The following COL27A1 variants were observed in gnomAD, a reference collection of about 807,000 sequenced individuals.
COL27A1 encodes collagen type XXVII alpha 1 chain.
Under a neutral mutation model 251.3 loss-of-function variants are expected in COL27A1, and 106 were observed. The ratio of observed to expected loss-of-function variants is 0.42; its 90% CI spans 0.36 to 0.50. COL27A1 has a LOEUF of 0.50. Ranked by LOEUF, COL27A1 falls within the 20% of genes least tolerant of loss-of-function variation. The pLI is 0.00. For missense variants in COL27A1, 2,325 were observed against 2,522.8 expected, an observed-to-expected ratio of 0.92 and a Z score of 1.68; for synonymous variants, 1,000 against 986.3, an observed-to-expected ratio of 1.01 and a Z score of -0.26.
intron 7 of COL27A1, among the ~76,000 whole-genome samples, 198 bp from the exon 8 acceptor site, chr9:114,204,904 G>A (rs77309503): frequency 0.031 from 4,698 of 152,284 alleles, 82 homozygotes; most frequent in Middle Eastern, 0.037. Flanking sequence ...ACCACTGGGA[G>A]CAGAGAGAAA....
Position 114,168,222 on chromosome 9 carries a change from C to A in COL27A1, c.667C>A (p.Gln223Lys). 6.2e-7 allele frequency: 1 copy of A among 1,614,028 alleles called. No individual in the cohort carries two copies. Among genetic ancestry groups the A allele is most frequent in the Non-Finnish European group, 8.5e-7 (1 of 1,180,024 alleles). The change falls in exon 3 of 61, where the codon CAG (glutamine) becomes AAG (lysine). Residue 223 changes from glutamine (Q) to lysine (K), a missense_variant. Transcript: ENST00000356083. ...LCQFSIYPVTQVAHNYCTHLR... is the reference protein window; with the variant it reads ...LCQFSIYPVTKVAHNYCTHLR... ...CCAGTTCAGTATCTACCCTGTGACG[C>A]AGGTCGCTCACAATTACTGTACCCA...
chr9:114,237,953 C>A (rs1177427217), intron 19 of COL27A1, among the ~76,000 whole-genome samples: 1 of 152,228 alleles, frequency 6.6e-6, no homozygotes, highest in Non-Finnish European at 1.5e-5. Context: ...GAGTCCTCTG[C>A]CAACTTTGTG....
At chr9:114,216,021 A>G (rs1830688014) in intron 12 of COL27A1, among the ~76,000 whole-genome samples, 1 of 152,200 alleles carries the variant, frequency 6.6e-6, no homozygotes, top group Non-Finnish European at 1.5e-5. Context: ...TCCTGGAGGC[A>G]GAAGAGTGGA....
In COL27A1 at chr9:114,253,203, T is replaced by A. The variant is rs185524249; in HGVS notation, c.3141+271T>A. ...TGAACCCAGAAGGCAGAGGTTGCAG[T>A]GAGCCAAGATCGTGCCACTGCACTC... On this transcript the variant is annotated intron_variant, in intron 27 of 60. Coordinates refer to ENST00000356083, the MANE Select transcript of COL27A1 (RefSeq NM_032888.4). 6.8e-4 allele frequency among the ~76,000 whole-genome samples: 103 copies of A among 151,378 alleles called. No homozygotes were observed. In the East Asian group the frequency reaches 0.02, roughly 29 times the overall value.
intron 14 of COL27A1, among the ~76,000 whole-genome samples, chr9:114,223,090 G>T (rs1213058512): frequency 6.6e-6 from 1 of 152,154 alleles, no homozygotes; most frequent in Admixed American, 6.5e-5. Context: ...CAAAGCCAGG[G>T]CCCCTGCTGC....
rs1393466660 is a variant in COL27A1, at chr9:114,282,450, G to C, written c.3772-7G>C. 3 of 1,607,014 alleles carry C rather than the reference G, an allele frequency of 1.9e-6. No individual in the cohort carries two copies. The African/African-American group carries it at 4.0e-5, about 21-fold the overall frequency. On this transcript the variant is annotated splice_polypyrimidine_tract_variant and splice_region_variant and intron_variant, in intron 38 of 60. Coordinates refer to ENST00000356083, the MANE Select transcript of COL27A1 (RefSeq NM_032888.4). ...CTGGTGACAGCTTGTCTTTCCTCCTGTTGCAGGGTGCCAAGGGCTATCAAG... is the reference window on the plus strand; with the variant it reads ...CTGGTGACAGCTTGTCTTTCCTCCTCTTGCAGGGTGCCAAGGGCTATCAAG...
chr9:114,310,433 C>A, intron 60 of COL27A1, 116 bp from the exon 61 acceptor site: 1 of 1,117,730 alleles, frequency 8.9e-7, no homozygotes, highest in Non-Finnish European at 1.3e-6. Flanking sequence ...GTCATTGCTA[C>A]AATGAAATAC....
At chr9:114,305,296 G>A (rs1475904695) in intron 57 of COL27A1, among the ~76,000 whole-genome samples, 1 of 152,190 alleles carries the variant, frequency 6.6e-6, no homozygotes, top group Non-Finnish European at 1.5e-5. Flanking sequence ...CTTTCAGAGG[G>A]CTCACAGTCT....
In COL27A1 at chr9:114,167,837, G is replaced by A; in HGVS notation, c.282G>A (p.Leu94=). ...APTGTVIPAA[L]GTELALVLSL... ...CGGGCACCGTCATTCCTGCCGCCTT[G>A]GGCACAGAGCTGGCACTGGTGCTGA... Residue 94 remains leucine, a synonymous_variant, in exon 3 of 61, where the codon TTG becomes TTA. Transcript: ENST00000356083. 6.2e-7 allele frequency: 1 copy of A among 1,613,510 alleles called. No individual in the cohort carries two copies. Among genetic ancestry groups the A allele is most frequent in the Non-Finnish European group, 8.5e-7 (1 of 1,179,986 alleles).
At chr9:114,220,492 C>T (rs1831017371) in intron 13 of COL27A1, among the ~76,000 whole-genome samples, 1 of 152,222 alleles carries the variant, frequency 6.6e-6, no homozygotes, top group Non-Finnish European at 1.5e-5. Context: ...CGTTCATAAC[C>T]AGCACCCGAT....
intron 59 of COL27A1, 101 bp from the exon 60 acceptor site, chr9:114,309,159 A>T: frequency 1.1e-6 from 1 of 923,928 alleles, no homozygotes; most frequent in East Asian, 2.4e-5. Flanking sequence ...GCTTGCCAGG[A>T]AGGGGCCTAT....
Position 114,234,960 on chromosome 9 carries a change from T to C in COL27A1, c.2566-639T>C, listed in dbSNP as rs1023802695. On this transcript the variant is annotated intron_variant, in intron 16 of 60. Coordinates refer to ENST00000356083, the MANE Select transcript of COL27A1 (RefSeq NM_032888.4). ...TGGGCGTGGTGGCACGCGCCTGTAG[T>C]CCCAGCTACTGGGGAGGCTGAGGTG... 4.0e-5 allele frequency among the ~76,000 whole-genome samples: 6 copies of C among 150,052 alleles called. No homozygotes were observed. The East Asian group carries it at 9.9e-4, about 25-fold the overall frequency.
At chr9:114,304,497 C>T (rs1828886633) in intron 56 of COL27A1, 111 bp from the exon 57 acceptor site, 3 of 898,070 alleles carry the variant, frequency 3.3e-6, no homozygotes, top group Non-Finnish European at 5.5e-6. Flanking sequence ...CTGCAGAGGG[C>T]ATATGACTTG....
At position 114,243,497 on chromosome 9, in the gene COL27A1, T is replaced by C. The variant is rs776430443; in HGVS notation, c.2881-10T>C. On this transcript the variant is annotated splice_polypyrimidine_tract_variant and intron_variant, in intron 22 of 60. Transcript: ENST00000356083. ...CCAGCTTCTCCCACTTACCTGTCTC[T>C]CTGTTGCAGGGTCAGCCTGGCAGGA... 1 of 1,613,698 alleles carries C rather than the reference T, an allele frequency of 6.2e-7. No individual in the cohort carries two copies. Among genetic ancestry groups the C allele is most frequent in the Non-Finnish European group, 8.5e-7 (1 of 1,179,752 alleles).
rs1250269075 is a variant in COL27A1, at chr9:114,301,425, C to T, written c.4792-20C>T. 6.2e-7 allele frequency: 1 copy of T among 1,606,108 alleles called. No homozygotes were observed. Among genetic ancestry groups the T allele is most frequent in the Non-Finnish European group, 8.5e-7 (1 of 1,176,644 alleles). On this transcript the variant is annotated intron_variant, in intron 53 of 60. Coordinates refer to ENST00000356083, the MANE Select transcript of COL27A1 (RefSeq NM_032888.4). ...CAGCCAGGTTCCCTAACTCTCTCCC[C>T]TGCTTCTGTCTCCCTCCAGGGATTG...
chr9:114,261,142 G>A lies in COL27A1; in HGVS notation c.3195+2548G>A, dbSNP rs528639968. The stretch of plus-strand genomic sequence containing the variant: ...TGAACTTGCTGCAGGGTGGCAGCAC[G>A]TGATGGTGTGTGCTCATTCCCGCTT... On this transcript the variant is annotated intron_variant, in intron 28 of 60. Transcript: ENST00000356083. Among the ~76,000 whole-genome samples, 15 of 152,350 alleles carry A rather than the reference G, an allele frequency of 9.8e-5. No individual in the cohort carries two copies. The East Asian group carries it at 1.4e-3, about 14-fold the overall frequency.
In COL27A1 at chr9:114,269,284, T is replaced by C. The variant is rs774141498; in HGVS notation, c.3545T>C (p.Ile1182Thr). 2.4e-5 allele frequency: 39 copies of C among 1,608,378 alleles called. No homozygotes were observed. Among genetic ancestry groups the C allele is most frequent in the South Asian group, 1.2e-4 (11 of 90,292 alleles). ...PLGTPGEQGL[I>T]GQRGEPGLEG... ...GGCACTCCTGGGGAGCAGGGCCTCA[T>C]TGGGCAACGGGTAAGTTGAAGCAAT... Residue 1182 changes from isoleucine to threonine, a missense_variant, in exon 35 of 61, where the codon ATT becomes ACT. Coordinates refer to ENST00000356083, the MANE Select transcript of COL27A1 (RefSeq NM_032888.4).
chr9:114,167,730 G>T lies in COL27A1; in HGVS notation c.175G>T (p.Ala59Ser). The change falls in exon 3 of 61, where the codon GCC (alanine) becomes TCC (serine). Residue 59 changes from alanine (A) to serine (S), a missense_variant. Around this residue, in one of 4 missense-constraint regions of COL27A1, gnomAD observed 1,183 missense variants for 1,144.1 expected, o/e 1.03. Transcript: ENST00000356083. ...GCGGCTGGGCCTCAGCTGGACGAAG[G>T]CCGGGAGCCCTGCACCCCCGGGAGT... is the stretch of plus-strand genomic sequence containing the variant. The part of the protein sequence containing the change: ...LQRLGLSWTK[A>S]GSPAPPGVIP... 1 of 1,613,682 alleles carries T rather than the reference G, an allele frequency of 6.2e-7. No homozygotes were observed.
upstream of COL27A1, among the ~76,000 whole-genome samples, chr9:114,154,382 G>C (rs564894321): frequency 1.5e-3 from 224 of 152,342 alleles, 2 homozygotes; most frequent in African/African-American, 5.0e-3. The surrounding 1 kb of genome is among the most constrained non-coding windows in gnomAD (Gnocchi z 5.8). Flanking sequence ...TAAGTGCTTG[G>C]GGGCTCCTGG....
Sources: allele counts gnomAD v4.1 joint callset (sites outside exome capture counted in the v4.1 genomes callset), GRCh38; gene constraint gnomAD v4.1.1; regional missense constraint gnomAD v4.1.1; non-coding constraint Gnocchi (gnomAD v3.1); transcripts MANE v1.5; gene names NCBI Gene and HGNC (gene_info 2026-07-23, HGNC 2026-07-21).